KCNMA1: variants seen among roughly 807,000 people sequenced by gnomAD.
The protein encoded by KCNMA1 is Calcium-activated potassium channel subunit alpha-1.
KCNMA1 carries 29 observed loss-of-function variants against 140.0 expected under a neutral mutation model. That is an observed-to-expected ratio of 0.21 (90% confidence interval 0.15 to 0.28). KCNMA1 has a LOEUF of 0.28. Among genes scored for constraint, KCNMA1 ranks in the 10% least tolerant of loss-of-function variants. KCNMA1 has a pLI of 1.00. For missense variants in KCNMA1, 880 were observed against 1,602.2 expected, an observed-to-expected ratio of 0.55 and a Z score of 7.70; for synonymous variants, 612 against 611.9, an observed-to-expected ratio of 1.00 and a Z score of 0.00.
chr10:77,382,576 C>T (rs2095427792), intron 2 of KCNMA1, among the ~76,000 whole-genome samples: 1 of 151,936 alleles, frequency 6.6e-6, no homozygotes, highest in South Asian at 2.1e-4. Context: ...AATAATATTC[C>T]AAGTGGGGCC....
chr10:77,226,329 T>C (rs989125187), intron 3 of KCNMA1, among the ~76,000 whole-genome samples: 5 of 152,092 alleles, frequency 3.3e-5, no homozygotes, highest in Admixed American at 3.3e-4. Context: ...CTACCTATTT[T>C]TCTTGGATCT....
chr10:77,621,373 T>C (rs2091308288), intron 1 of KCNMA1, among the ~76,000 whole-genome samples: 1 of 152,210 alleles, frequency 6.6e-6, no homozygotes, highest in South Asian at 2.1e-4. Context: ...GTTTGAGATA[T>C]GAGCATATCT....
intron 14 of KCNMA1, among the ~76,000 whole-genome samples, chr10:77,048,643 G>A (rs983615120): frequency 3.3e-5 from 5 of 152,180 alleles, no homozygotes; most frequent in Non-Finnish European, 7.3e-5. Flanking sequence ...AACTTGGGAA[G>A]CACAGAATTT....
chr10:77,158,544 C>A lies in KCNMA1; in HGVS notation c.808+24877G>T, dbSNP rs748200759. On this transcript the variant is annotated intron_variant, in intron 5 of 27. Coordinates refer to ENST00000286628, the MANE Select transcript of KCNMA1 (RefSeq NM_001161352.2). ...AATCTGATATTCCCCATAGTCCCCC[C>A]CTCCATGATTCCTAGTTTGCTCCCA... 2.5e-4 allele frequency among the ~76,000 whole-genome samples: 38 copies of A among 152,254 alleles called. 1 individual carries two copies. Among genetic ancestry groups the A allele is most frequent in the African/African-American group, 7.0e-4 (29 of 41,540 alleles).
chr10:77,004,723 T>G lies in KCNMA1; in HGVS notation c.2093-3143A>C, dbSNP rs1475530473. ...GTCATGGACCTCCTAATTTGGAAAT[T>G]ACCACCCCTCATCTCTCTCAACTCT... On this transcript the variant is annotated intron_variant, in intron 18 of 27. Transcript: ENST00000286628. Among the ~76,000 whole-genome samples, 3 of 152,148 alleles carry G rather than the reference T, an allele frequency of 2.0e-5. No homozygotes were observed. In the East Asian group the frequency reaches 5.8e-4, roughly 29 times the overall value.
At chr10:77,004,609 TC>T (rs1369868133) in intron 18 of KCNMA1, among the ~76,000 whole-genome samples, 2 of 152,206 alleles carry the variant, frequency 1.3e-5, no homozygotes, top group Non-Finnish European at 1.5e-5. Context: ...AGGAGTTGTC[TC>T]CCTGGTGGTA....
intron 1 of KCNMA1, among the ~76,000 whole-genome samples, chr10:77,436,957 T>TACACACACACAC (rs10536103): frequency 8.8e-4 from 119 of 134,844 alleles, no homozygotes; most frequent in African/African-American, 2.9e-3. Context: ...CTTCTTTCTT[T>TACACACACACAC]ACACACACAC....
chr10:77,352,177 C>T (rs887377775), intron 2 of KCNMA1, among the ~76,000 whole-genome samples: 6 of 152,206 alleles, frequency 3.9e-5, no homozygotes, highest in African/African-American at 7.2e-5. Flanking sequence ...TACACATTGA[C>T]GGTTCTCTAT....
chr10:77,005,136 A>G (rs2087983502), intron 18 of KCNMA1, among the ~76,000 whole-genome samples: 1 of 152,178 alleles, frequency 6.6e-6, no homozygotes, highest in Non-Finnish European at 1.5e-5. Context: ...CATCTAGTGG[A>G]TCAATGTGGA....
chr10:77,012,686 T>A (rs745564432), intron 17 of KCNMA1: 1 of 739,062 alleles, frequency 1.4e-6, no homozygotes, highest in South Asian at 1.8e-5. Context: ...CCTGAGAACA[T>A]GCACTAAATG....
At chr10:77,410,633 G>A (rs2096597582) in intron 1 of KCNMA1, among the ~76,000 whole-genome samples, 1 of 152,226 alleles carries the variant, frequency 6.6e-6, no homozygotes, top group South Asian at 2.1e-4. Context: ...GGCCCATTCA[G>A]AGGACAAGTG....
At chr10:77,212,404 A>T (rs1395412977) in intron 3 of KCNMA1, among the ~76,000 whole-genome samples, 2 of 152,182 alleles carry the variant, frequency 1.3e-5, no homozygotes, top group African/African-American at 4.8e-5. Context: ...CACTGAGCAC[A>T]CATGGACATA....
chr10:77,555,057 T>TACACACACACAC (rs111952376), intron 1 of KCNMA1, among the ~76,000 whole-genome samples: 27,394 of 151,462 alleles, frequency 0.18, 2,660 homozygotes, highest in African/African-American at 0.26. Flanking sequence ...TCTTACCACA[T>TACACACACACAC]ACACACACGC....
At chr10:77,527,121 C>T (rs1378678874) in intron 1 of KCNMA1, among the ~76,000 whole-genome samples, 1 of 152,198 alleles carries the variant, frequency 6.6e-6, no homozygotes, top group Non-Finnish European at 1.5e-5. Context: ...GGCCACAGCT[C>T]GGGTTTCAAG....
In KCNMA1 at chr10:77,212,803, T is replaced by C. The variant is rs556083416; in HGVS notation, c.603-27887A>G. ...CCAAGAGGAATCAGCGCTCTTGACT[T>C]TGACATCTTCAATTCCTACTACCAC... On this transcript the variant is annotated intron_variant, in intron 3 of 27. Coordinates refer to ENST00000286628, the MANE Select transcript of KCNMA1 (RefSeq NM_001161352.2). Among the ~76,000 whole-genome samples the C allele has an allele frequency of 1.8e-3, 274 of 152,206 alleles. 2 individuals are homozygous for C. The highest frequency in any genetic ancestry group is 6.2e-3 in the African/African-American group (258 of 41,540).
intron 2 of KCNMA1, among the ~76,000 whole-genome samples, chr10:77,395,887 GTT>G (rs2096031971): frequency 6.6e-6 from 1 of 152,168 alleles, no homozygotes; most frequent in South Asian, 2.1e-4. Context: ...GGTAAATGAT[GTT>G]GAGTCAAAAA....
At chr10:77,576,936 T>C (rs2074321440) in intron 1 of KCNMA1, among the ~76,000 whole-genome samples, 1 of 152,226 alleles carries the variant, frequency 6.6e-6, no homozygotes, top group Admixed American at 6.5e-5. Context: ...GCAAGTATTA[T>C]TTCATTCAAT....
chr10:77,030,759 T>C (rs1015667577), intron 15 of KCNMA1, among the ~76,000 whole-genome samples: 9 of 152,322 alleles, frequency 5.9e-5, no homozygotes, highest in Non-Finnish European at 1.0e-4. Flanking sequence ...TTCCTTAACC[T>C]TATAGGGGAT....
At chr10:77,383,644 C>G (rs552033231) in intron 2 of KCNMA1, among the ~76,000 whole-genome samples, 1 of 152,102 alleles carries the variant, frequency 6.6e-6, no homozygotes, top group South Asian at 2.1e-4. Context: ...AATAAGTAAT[C>G]AATATAAACA....
Sources: allele counts gnomAD v4.1 joint callset (sites outside exome capture counted in the v4.1 genomes callset), GRCh38; gene constraint gnomAD v4.1.1; transcripts MANE v1.5; gene names NCBI Gene and HGNC (gene_info 2026-07-23, HGNC 2026-07-21).